HTR7: variants seen among roughly 807,000 people sequenced by gnomAD.
HTR7 encodes the protein 5-hydroxytryptamine receptor 7.
In HTR7, 16 loss-of-function variants were observed where a neutral mutation model predicts 34.0. The ratio of observed to expected loss-of-function variants is 0.47; its 90% CI spans 0.32 to 0.71. The LOEUF is 0.71. Among genes scored for constraint, HTR7 ranks in the 30% least tolerant of loss-of-function variants. The probability of loss-of-function intolerance (pLI) is 0.04; values close to 1 mark genes in which losing one functional copy is unlikely to be tolerated. For synonymous variants in HTR7, 265 were observed against 260.2 expected (o/e 1.02, Z -0.18); for missense variants, 504 against 625.5 (o/e 0.81, Z 2.07).
intron 1 of HTR7, among the ~76,000 whole-genome samples, chr10:90,766,878 T>A (rs1435884892): frequency 6.6e-6 from 1 of 152,228 alleles, no homozygotes; most frequent in Non-Finnish European, 1.5e-5. Context: ...CAGTCCAGCC[T>A]ATGGTTCTTG....
rs1307056043 is a variant in HTR7, at chr10:90,749,709, C to T, written c.540-115G>A. 4 of 881,642 alleles carry T rather than the reference C, an allele frequency of 4.5e-6. No individual in the cohort carries two copies. The highest frequency in any genetic ancestry group is 7.0e-6 in the Non-Finnish European group (4 of 573,106). The allele number at this position is 881,642 out of a possible 1,614,324, so 54.6% of individuals were successfully genotyped here. ...CCTCGCAACAGCCCTTCTAGGTAGG[C>T]ATCATTACTCCCATTTTGCAGAAAG... On this transcript the variant is annotated intron_variant, in intron 1 of 3. Coordinates refer to ENST00000336152, the MANE Select transcript of HTR7 (RefSeq NM_019859.4). The surrounding 1 kb of genome is among the most constrained non-coding windows in gnomAD (Gnocchi z 4.2).
At position 90,743,647 on chromosome 10, in the gene HTR7, GC is replaced by G; in HGVS notation, c.1338del (p.Arg446SerfsTer18). The G allele has an allele frequency of 6.2e-7, 1 of 1,613,960 alleles. No homozygotes were observed. The highest frequency in any genetic ancestry group is 8.5e-7 in the Non-Finnish European group (1 of 1,179,896). ...TGTAGCACCCACACAGATACCGGTG[GC>G]CTCTTTTCTGGTCTCAACAGCACCC... ...TRRVLLRPEK[R>X]PPVSVWVLQS... On this transcript the variant is annotated frameshift_variant, in exon 3 of 4. Coordinates refer to ENST00000336152, the MANE Select transcript of HTR7 (RefSeq NM_019859.4). LOFTEE classifies it high-confidence loss of function.
chr10:90,753,680 T>C (rs1242096759), intron 1 of HTR7, among the ~76,000 whole-genome samples: 2 of 151,764 alleles, frequency 1.3e-5, no homozygotes, highest in African/African-American at 4.8e-5. Context: ...ACTAAACACA[T>C]AATAGAGGAA....
At chr10:90,767,627 T>C (rs1287962944) in intron 1 of HTR7, among the ~76,000 whole-genome samples, 2 of 152,174 alleles carry the variant, frequency 1.3e-5, no homozygotes, top group Non-Finnish European at 2.9e-5. Context: ...GTACAGCAAG[T>C]GATGCCATGT....
At chr10:90,832,035 T>C (rs1025466588) in intron 1 of HTR7, among the ~76,000 whole-genome samples, 1 of 152,170 alleles carries the variant, frequency 6.6e-6, no homozygotes, top group Non-Finnish European at 1.5e-5. Flanking sequence ...AGAGTGTTGA[T>C]TGGTGTATTT....
intron 1 of HTR7, among the ~76,000 whole-genome samples, chr10:90,796,885 G>A (rs561510097): frequency 2.4e-4 from 36 of 152,008 alleles, no homozygotes; most frequent in African/African-American, 8.0e-4. Flanking sequence ...GGTGGCAGGC[G>A]CCTGTAGTCC....
At chr10:90,802,755 A>T (rs548233323) in intron 1 of HTR7, among the ~76,000 whole-genome samples, 56 of 152,328 alleles carry the variant, frequency 3.7e-4, no homozygotes, top group African/African-American at 1.3e-3. Context: ...AAGCTGCTCC[A>T]CTTTGTAGTC....
At chr10:90,765,564 T>G (rs1248920832) in intron 1 of HTR7, among the ~76,000 whole-genome samples, 1 of 151,938 alleles carries the variant, frequency 6.6e-6, no homozygotes, top group Non-Finnish European at 1.5e-5. Context: ...TCCTTCCTCC[T>G]GCTAAATTTG....
intron 1 of HTR7, among the ~76,000 whole-genome samples, chr10:90,809,091 C>T (rs1415124607): frequency 6.6e-6 from 1 of 152,132 alleles, no homozygotes; most frequent in African/African-American, 2.4e-5. Flanking sequence ...TTCTACAGAT[C>T]TATCTGACCT....
chr10:90,750,115 C>G (rs999525081), intron 1 of HTR7, among the ~76,000 whole-genome samples: 1 of 152,096 alleles, frequency 6.6e-6, no homozygotes, highest in African/African-American at 2.4e-5. Flanking sequence ...CACACAGATT[C>G]GTGAGATAAT....
At chr10:90,791,569 A>G (rs898494354) in intron 1 of HTR7, among the ~76,000 whole-genome samples, 1 of 152,024 alleles carries the variant, frequency 6.6e-6, no homozygotes, top group Admixed American at 6.6e-5. Context: ...TTGAAGGGGG[A>G]AGAGGAGCGG....
chr10:90,835,508 C>T (rs1279633665), intron 1 of HTR7, among the ~76,000 whole-genome samples: 1 of 152,186 alleles, frequency 6.6e-6, no homozygotes, highest in Non-Finnish European at 1.5e-5. Context: ...CTTTCATATT[C>T]CTCTGCCTAC....
chr10:90,813,848 T>C (rs922343349), intron 1 of HTR7, among the ~76,000 whole-genome samples: 8 of 152,110 alleles, frequency 5.3e-5, no homozygotes, highest in African/African-American at 1.9e-4. Flanking sequence ...AAGATTAGGG[T>C]GGGACGACCA....
At chr10:90,826,396 T>C (rs953681602) in intron 1 of HTR7, among the ~76,000 whole-genome samples, 1 of 151,986 alleles carries the variant, frequency 6.6e-6, no homozygotes, top group African/African-American at 2.4e-5. Context: ...CAATAAGAAA[T>C]CATCTGAAGG....
chr10:90,850,485 A>T (rs1846481447), intron 1 of HTR7, among the ~76,000 whole-genome samples: 1 of 152,258 alleles, frequency 6.6e-6, no homozygotes, highest in Non-Finnish European at 1.5e-5. Context: ...CAATATGATG[A>T]ATATACAATC....
At chr10:90,794,342 TA>T (rs1258177781) in intron 1 of HTR7, among the ~76,000 whole-genome samples, 1 of 152,156 alleles carries the variant, frequency 6.6e-6, no homozygotes, top group Non-Finnish European at 1.5e-5. Flanking sequence ...TGCCTGAGAT[TA>T]TTTTACAGTT....
chr10:90,760,011 T>A (rs1844909026), intron 1 of HTR7, among the ~76,000 whole-genome samples: 1 of 152,184 alleles, frequency 6.6e-6, no homozygotes, highest in South Asian at 2.1e-4. Flanking sequence ...TTAAAATTAG[T>A]GCTGTACAAA....
At chr10:90,778,514 A>G (rs955599235) in intron 1 of HTR7, among the ~76,000 whole-genome samples, 2 of 152,172 alleles carry the variant, frequency 1.3e-5, no homozygotes, top group African/African-American at 2.4e-5. Flanking sequence ...CTCAGCCTCC[A>G]TAATTGTAGG....
At chr10:90,770,289 C>G (rs528441517) in intron 1 of HTR7, among the ~76,000 whole-genome samples, 1 of 152,332 alleles carries the variant, frequency 6.6e-6, no homozygotes, top group South Asian at 2.1e-4. Flanking sequence ...TGCGACAGGG[C>G]TGAGCCGAGC....
Sources: allele counts gnomAD v4.1 joint callset (sites outside exome capture counted in the v4.1 genomes callset), GRCh38; gene constraint gnomAD v4.1.1; non-coding constraint Gnocchi (gnomAD v3.1); transcripts MANE v1.5; gene names NCBI Gene and HGNC (gene_info 2026-07-23, HGNC 2026-07-21).